CDH23: variants seen among roughly 807,000 people sequenced by gnomAD.
The protein encoded by CDH23 is cadherin related 23, also known as cadherin-23.
In CDH23, 189 loss-of-function variants were observed where a neutral mutation model predicts 317.1. That is an observed-to-expected ratio of 0.60 (90% CI 0.53 to 0.67). The LOEUF (loss-of-function observed/expected upper bound fraction) is 0.67, where lower values mean the gene tolerates loss of function less well. Ranked by LOEUF, CDH23 falls within the 30% of genes least tolerant of loss-of-function variation. The pLI is 0.00. For missense variants in CDH23, 4,401 were observed against 4,592.4 expected, an observed-to-expected ratio of 0.96 and a Z score of 1.20; for synonymous variants, 1,839 against 1,876.8, an observed-to-expected ratio of 0.98 and a Z score of 0.52.
chr10:71,546,321 G>GA (rs1856279319), intron 6 of CDH23, among the ~76,000 whole-genome samples: 2 of 152,220 alleles, frequency 1.3e-5, no homozygotes. Context: ...TGCTCGTGCG[G>GA]AAAAATGGAT....
chr10:71,651,366 CA>C (rs34501770), intron 14 of CDH23, among the ~76,000 whole-genome samples: 3,297 of 100,384 alleles, frequency 0.033, 134 homozygotes, highest in East Asian at 0.19. Flanking sequence ...CCTGTCTCTG[CA>C]AAAAAAAAAA....
intron 38 of CDH23, among the ~76,000 whole-genome samples, chr10:71,760,069 A>G (rs1840298806): frequency 6.9e-6 from 1 of 145,374 alleles, no homozygotes; most frequent in African/African-American, 2.5e-5. Flanking sequence ...ATATACACAC[A>G]CACATATATA....
intron 60 of CDH23, among the ~76,000 whole-genome samples, chr10:71,808,680 G>C (rs1283030326): frequency 1.3e-5 from 2 of 152,044 alleles, no homozygotes. Flanking sequence ...TCCATCTAAA[G>C]GCTCCTCCTC....
At chr10:71,707,300 G>A (rs1865829076) in intron 26 of CDH23, 3 of 1,431,276 alleles carry the variant, frequency 2.1e-6, no homozygotes, top group East Asian at 5.0e-5. Flanking sequence ...GGGACGGGGA[G>A]CATCTACCAA....
At chr10:71,429,002 G>T (rs1219712762) in intron 1 of CDH23, among the ~76,000 whole-genome samples, 1 of 152,182 alleles carries the variant, frequency 6.6e-6, no homozygotes. Flanking sequence ...TCTGGCATGT[G>T]ATTTGTAGAT....
At chr10:71,814,482 G>C (rs1187165472) in intron 69 of CDH23, among the ~76,000 whole-genome samples, 1 of 152,244 alleles carries the variant, frequency 6.6e-6, no homozygotes, top group Non-Finnish European at 1.5e-5. Context: ...GCTGAGGCTG[G>C]TGGATCATCT....
chr10:71,620,069 C>A (rs1010640318), intron 11 of CDH23, among the ~76,000 whole-genome samples: 1 of 152,178 alleles, frequency 6.6e-6, no homozygotes, highest in Non-Finnish European at 1.5e-5. Flanking sequence ...GACAGGGAAA[C>A]CCTACCCCGT....
At chr10:71,583,101 A>G (rs1858758384) in intron 9 of CDH23, among the ~76,000 whole-genome samples, 1 of 152,198 alleles carries the variant, frequency 6.6e-6, no homozygotes, top group Non-Finnish European at 1.5e-5. Context: ...AAAGCCAGGC[A>G]TTGCAGGAGG....
At chr10:71,528,287 G>A (rs1855156459) in intron 6 of CDH23, among the ~76,000 whole-genome samples, 1 of 152,138 alleles carries the variant, frequency 6.6e-6, no homozygotes, top group African/African-American at 2.4e-5. Context: ...TTGGGTCTCG[G>A]TGTTCTCTCC....
At chr10:71,740,601 G>A (rs551900983) in intron 36 of CDH23, among the ~76,000 whole-genome samples, 22 of 152,302 alleles carry the variant, frequency 1.4e-4, no homozygotes, top group African/African-American at 5.1e-4. Context: ...ACGACGATTG[G>A]GCAAGAATCA....
At chr10:71,765,097 C>G (rs756699346) in intron 38 of CDH23, among the ~76,000 whole-genome samples, 7 of 152,222 alleles carry the variant, frequency 4.6e-5, no homozygotes, top group African/African-American at 1.7e-4. Context: ...CTCCCACGTA[C>G]TCCCAGGAAG....
At chr10:71,808,964 A>T (rs1841826229) in intron 60 of CDH23, among the ~76,000 whole-genome samples, 1 of 151,948 alleles carries the variant, frequency 6.6e-6, no homozygotes, top group Admixed American at 6.6e-5. Context: ...ATCCAGTTAC[A>T]CAAGCAGACA....
At chr10:71,682,768 G>A (rs563167246) in intron 18 of CDH23, among the ~76,000 whole-genome samples, 196 bp downstream of exon 18, 2 of 152,256 alleles carry the variant, frequency 1.3e-5, no homozygotes, top group African/African-American at 2.4e-5. Context: ...CTGCCTCCCC[G>A]CTTGGCCAGG....
intron 3 of CDH23, among the ~76,000 whole-genome samples, chr10:71,493,183 A>G (rs924437098): frequency 6.6e-6 from 1 of 152,132 alleles, no homozygotes; most frequent in Non-Finnish European, 1.5e-5. Flanking sequence ...TTGTGTACAT[A>G]TTTCAAGTTA....
chr10:71,462,312 AT>A (rs764845724), intron 3 of CDH23, among the ~76,000 whole-genome samples: 33 of 152,350 alleles, frequency 2.2e-4, no homozygotes, highest in Non-Finnish European at 4.7e-4. Flanking sequence ...CTCTGGAACA[AT>A]TTACAGTCAA....
intron 11 of CDH23, among the ~76,000 whole-genome samples, chr10:71,619,367 G>A (rs1398463004): frequency 6.6e-6 from 1 of 151,682 alleles, no homozygotes; most frequent in African/African-American, 2.4e-5. Flanking sequence ...TAATGTAGTA[G>A]TTTTAAAAGG....
chr10:71,729,570 TG>T (rs1394608911), intron 30 of CDH23, among the ~76,000 whole-genome samples: 1 of 152,004 alleles, frequency 6.6e-6, no homozygotes, highest in African/African-American at 2.4e-5. Context: ...ACAGCCCGGG[TG>T]TGGGTGCAGT....
chr10:71,522,826 A>G (rs1854775179), intron 6 of CDH23, among the ~76,000 whole-genome samples: 1 of 152,116 alleles, frequency 6.6e-6, no homozygotes, highest in Non-Finnish European at 1.5e-5. Flanking sequence ...AGAAGGGAAA[A>G]AAGGAGAGGG....
chr10:71,731,750 C>G (rs1258731263), intron 31 of CDH23, among the ~76,000 whole-genome samples: 5 of 152,140 alleles, frequency 3.3e-5, no homozygotes, highest in African/African-American at 4.8e-5. Context: ...TCTGTCCTAT[C>G]TCTGGTGCCA....
Sources: allele counts gnomAD v4.1 joint callset (sites outside exome capture counted in the v4.1 genomes callset), GRCh38; gene constraint gnomAD v4.1.1; transcripts MANE v1.5; gene names NCBI Gene and HGNC (gene_info 2026-07-23, HGNC 2026-07-21).